RBM47: variants seen among roughly 807,000 people sequenced by gnomAD.
RBM47 encodes the protein RNA-binding protein 47.
A neutral mutation model predicts 47.1 loss-of-function variants in RBM47; 21 were observed. The observed-to-expected ratio is 0.45, with a 90% CI of 0.32 to 0.64. The LOEUF (loss-of-function observed/expected upper bound fraction) is 0.64. Among genes scored for constraint, RBM47 ranks in the 30% least tolerant of loss-of-function variants. RBM47 has a pLI of 0.05. For missense variants in RBM47, 708 were observed against 870.9 expected, an observed-to-expected ratio of 0.81 and a Z score of 2.35; for synonymous variants, 375 against 361.7, an observed-to-expected ratio of 1.04 and a Z score of -0.42.
rs1480304104 is a variant in RBM47 at position 40,447,853 on chromosome 4, A to G, written c.-31-8929T>C. Among the ~76,000 whole-genome samples the G allele has an allele frequency of 2.0e-5, 3 of 152,156 alleles. No individual in the cohort carries two copies. The South Asian group carries it at 6.2e-4, about 31-fold the overall frequency. Reference sequence around the variant, plus strand: ...GTGAAACCCCATCTCTACTAAAAATACAAAAAAATTAGCCGGGCATGGTGG... The same window carrying G: ...GTGAAACCCCATCTCTACTAAAAATGCAAAAAAATTAGCCGGGCATGGTGG... On this transcript the variant is annotated intron_variant, in intron 3 of 6. Transcript: ENST00000295971.
chr4:40,574,255 T>C (rs769477404), intron 1 of RBM47, among the ~76,000 whole-genome samples: 1 of 152,218 alleles, frequency 6.6e-6, no homozygotes, highest in Non-Finnish European at 1.5e-5. Context: ...AGAAATAGAC[T>C]GGGTAAAACT....
upstream of RBM47, chr4:40,630,464 T>G (rs1398145430): frequency 6.6e-6 from 1 of 152,128 alleles, no homozygotes; most frequent in African/African-American, 2.4e-5. Context: ...CGTCCTTACC[T>G]GGGGCCGAGC....
At chr4:40,480,920 G>T (rs1720299420) in intron 2 of RBM47, among the ~76,000 whole-genome samples, 1 of 152,112 alleles carries the variant, frequency 6.6e-6, no homozygotes, top group African/African-American at 2.4e-5. Flanking sequence ...CATATCATGT[G>T]TAACATTATA....
intron 1 of RBM47, among the ~76,000 whole-genome samples, chr4:40,553,174 AATTG>A (rs1729736925): frequency 6.7e-6 from 1 of 149,910 alleles, no homozygotes; most frequent in Admixed American, 6.7e-5. Flanking sequence ...ATACTTCATG[AATTG>A]ATTATTCTTT....
chr4:40,472,378 C>T (rs1387156835), intron 2 of RBM47, among the ~76,000 whole-genome samples: 1 of 151,976 alleles, frequency 6.6e-6, no homozygotes, highest in South Asian at 2.1e-4. Flanking sequence ...AGTTTGAGAC[C>T]AGCCTGACCA....
intron 2 of RBM47, among the ~76,000 whole-genome samples, chr4:40,511,271 G>A (rs1265775928): frequency 6.6e-6 from 1 of 152,178 alleles, no homozygotes; most frequent in Admixed American, 6.5e-5. Context: ...AAGACAGCAG[G>A]CCTGCCTCTT....
Position 40,423,700 on chromosome 4 carries a change from CTTTCTTTCTTTCTTTTCTTTCTTTT to C in RBM47, c.*2179_*2203del, listed in dbSNP as rs1395801409. The C allele has an allele frequency of 1.3e-4, 10 of 75,134 alleles. No homozygotes were observed. The highest frequency in any genetic ancestry group is 7.0e-4 in the African/African-American group (10 of 14,198). 4.7% of individuals were successfully genotyped at this position (75,134 alleles called of 1,614,324 possible). A position where few individuals can be genotyped will look rare whatever the true frequency, so the allele number is the denominator to read the frequency against. On this transcript the variant is annotated 3_prime_UTR_variant, in exon 7 of 7. Transcript: ENST00000295971. ...TCTTTCTTTCTTTCTTTCTTTCTTT[CTTTCTTTCTTTCTTTTCTTTCTTTT>C]CTTTCTTCCTCTTCTTCTTCTTTTT...
At chr4:40,515,007 A>G (rs978390059) in intron 2 of RBM47, among the ~76,000 whole-genome samples, 3 of 152,238 alleles carry the variant, frequency 2.0e-5, no homozygotes, top group Non-Finnish European at 4.4e-5. Flanking sequence ...CATTGACCAC[A>G]TATTCCTATT....
chr4:40,501,754 T>C (rs1347453558), intron 2 of RBM47, among the ~76,000 whole-genome samples: 1 of 152,206 alleles, frequency 6.6e-6, no homozygotes, highest in Non-Finnish European at 1.5e-5. Context: ...GAGAAGCTAA[T>C]CTAACTAATG....
intron 3 of RBM47, among the ~76,000 whole-genome samples, chr4:40,452,840 CTTTT>C (rs34438216): frequency 0.028 from 3,462 of 125,048 alleles, 146 homozygotes; most frequent in African/African-American, 0.094. Context: ...TGATTTCCTT[CTTTT>C]TTTTTTTTTT....
At chr4:40,541,567 A>G (rs1326325950) in intron 2 of RBM47, among the ~76,000 whole-genome samples, 1 of 152,056 alleles carries the variant, frequency 6.6e-6, no homozygotes, top group Non-Finnish European at 1.5e-5. Context: ...TGAAAACCCC[A>G]TCTTTACTAA....
At position 40,426,004 on chromosome 4, in the gene RBM47, G is replaced by A. The variant is rs1714973100; in HGVS notation, c.1682C>T (p.Ala561Val). 1.2e-6 allele frequency: 2 copies of A among 1,614,088 alleles called. No homozygotes were observed. The highest frequency in any genetic ancestry group is 1.7e-6 in the Non-Finnish European group (2 of 1,180,042). Residue 561 changes from alanine (A) to valine (V), a missense_variant, in exon 7 of 7, where the codon GCC becomes GTC. Coordinates refer to ENST00000295971, the MANE Select transcript of RBM47 (RefSeq NM_001098634.2). ...TIATLQKNAAAAAAMYGGYAG... is the reference protein window; with the variant it reads ...TIATLQKNAAVAAAMYGGYAG... The stretch of plus-strand genomic sequence containing the variant: ...GTATCCTCCATACATGGCGGCCGCG[G>A]CTGCCGCGTTCTTCTGTAGTGTGGC...
rs563124378 is a variant in RBM47, at chr4:40,599,166, G to C, written c.-240+30230C>G. 2.0e-5 allele frequency among the ~76,000 whole-genome samples: 3 copies of C among 150,780 alleles called. No individual in the cohort carries two copies. In the South Asian group the frequency reaches 6.3e-4, roughly 31 times the overall value. ...CCAGCTACATAGGAGGTTGAGGCAA[G>C]AGAATGGCTTGAACCCAGGAGGCGG... On this transcript the variant is annotated intron_variant, in intron 1 of 6. Transcript: ENST00000295971.
intron 6 of RBM47, among the ~76,000 whole-genome samples, chr4:40,432,228 AC>A (rs1716264917): frequency 6.6e-6 from 1 of 151,108 alleles, no homozygotes; most frequent in Non-Finnish European, 1.5e-5. Context: ...ACACACACAC[AC>A]ACACACACAC....
chr4:40,503,937 C>T (rs1176485180), intron 2 of RBM47, among the ~76,000 whole-genome samples: 1 of 151,960 alleles, frequency 6.6e-6, no homozygotes, highest in Non-Finnish European at 1.5e-5. Context: ...CTTTGGGAGG[C>T]TGAGGTGGGA....
At chr4:40,546,827 C>T (rs1383149854) in intron 1 of RBM47, among the ~76,000 whole-genome samples, 1 of 152,180 alleles carries the variant, frequency 6.6e-6, no homozygotes, top group Non-Finnish European at 1.5e-5. Flanking sequence ...TGTCATTATA[C>T]AGCTTTTACC....
At chr4:40,621,234 C>G (rs538959200) in intron 1 of RBM47, among the ~76,000 whole-genome samples, 7 of 152,260 alleles carry the variant, frequency 4.6e-5, no homozygotes, top group East Asian at 3.9e-4. Context: ...ACTGAGGAAG[C>G]CTTTTTCAGT....
At chr4:40,578,475 A>T (rs1409039238) in intron 1 of RBM47, among the ~76,000 whole-genome samples, 1 of 152,224 alleles carries the variant, frequency 6.6e-6, no homozygotes, top group African/African-American at 2.4e-5. Flanking sequence ...CTTTTGACAC[A>T]TAGGATTTTC....
At chr4:40,546,243 C>T (rs1467565258) in intron 1 of RBM47, among the ~76,000 whole-genome samples, 5 of 152,080 alleles carry the variant, frequency 3.3e-5, no homozygotes, top group South Asian at 2.1e-4. Flanking sequence ...CTCCGCCTCC[C>T]GGGTTCAAGT....
Sources: allele counts gnomAD v4.1 joint callset (sites outside exome capture counted in the v4.1 genomes callset), GRCh38; gene constraint gnomAD v4.1.1; transcripts MANE v1.5; gene names NCBI Gene and HGNC (gene_info 2026-07-23, HGNC 2026-07-21).